Variants in PTPRH observed in about 807,000 individuals in gnomAD.
PTPRH encodes receptor-type tyrosine-protein phosphatase H.
A neutral mutation model predicts 130.2 loss-of-function variants in PTPRH; 113 were observed. The observed-to-expected ratio is 0.87, with a 90% CI of 0.75 to 1.01. The LOEUF (loss-of-function observed/expected upper bound fraction) is 1.01. PTPRH is among the 50% of genes least tolerant of loss of function. The probability of loss-of-function intolerance (pLI) is 0.00; values close to 1 mark genes in which losing one functional copy is unlikely to be tolerated. For synonymous variants in PTPRH, 556 were observed against 577.9 expected (o/e 0.96, Z 0.54); for missense variants, 1,430 against 1,425.0 (o/e 1.00, Z -0.06).
chr19:55,197,027 G>C (rs2086704326), intron 9 of PTPRH, 90 bp downstream of exon 9: 11 of 1,473,672 alleles, frequency 7.5e-6, no homozygotes, highest in Non-Finnish European at 9.3e-6. Flanking sequence ...CCTGTGGCCT[G>C]ATGGAATTTG....
Position 55,191,551 on chromosome 19 carries a change from G to A in PTPRH, c.2337-3C>T, listed in dbSNP as rs200274196. On this transcript the variant is annotated splice_region_variant and splice_polypyrimidine_tract_variant and intron_variant, in intron 11 of 19. Transcript: ENST00000376350. ...GTTTCTGCTGCTTCTTCTTATTCCTGGGAAAAGGACGTTAGGATGAGAGGC... is the reference window on the plus strand; with the variant it reads ...GTTTCTGCTGCTTCTTCTTATTCCTAGGAAAAGGACGTTAGGATGAGAGGC... The A allele has an allele frequency of 1.7e-5, 27 of 1,614,140 alleles. No homozygotes were observed. In the African/African-American group the frequency reaches 3.2e-4, roughly 19 times the overall value.
chr19:55,185,603 G>T lies in PTPRH; in HGVS notation c.2961C>A (p.His987Gln), dbSNP rs201401150. 6.2e-7 allele frequency: 1 copy of T among 1,614,210 alleles called. No individual in the cohort carries two copies. Among genetic ancestry groups the T allele is most frequent in the Non-Finnish European group, 8.5e-7 (1 of 1,180,030 alleles). ...RQFHYQAWPD[H>Q]GVPSSPDTLL... Reference sequence around the variant, plus strand: ...AGGTGTCTGGGGAGGAGGGAACGCCGTGATCCGGCCAGGCCTGGTAGTGGA... The same window carrying T: ...AGGTGTCTGGGGAGGAGGGAACGCCTTGATCCGGCCAGGCCTGGTAGTGGA... Residue 987 changes from histidine to glutamine, a missense_variant, in exon 18 of 20, where the codon CAC becomes CAA. Physicochemically the swap from His to Gln is conservative, Grantham distance 24 (BLOSUM62 0). Coordinates refer to ENST00000376350, the MANE Select transcript of PTPRH (RefSeq NM_002842.5).
intron 3 of PTPRH, 71 bp downstream of exon 3, chr19:55,206,618 G>T: frequency 7.2e-7 from 1 of 1,398,436 alleles, no homozygotes; most frequent in Non-Finnish European, 9.5e-7. Context: ...GTCGCATTTT[G>T]TCAGCTCTCA....
intron 8 of PTPRH, 49 bp downstream of exon 8, chr19:55,198,594 T>C (rs1214898259): frequency 1.3e-6 from 2 of 1,497,016 alleles, no homozygotes; most frequent in African/African-American, 2.8e-5. Context: ...TTCATCTTTT[T>C]CCTTCCCCCA....
intron 17 of PTPRH, 52 bp from the exon 18 acceptor site, chr19:55,185,714 G>C: frequency 1.2e-6 from 2 of 1,601,986 alleles, no homozygotes; most frequent in African/African-American, 1.3e-5. Flanking sequence ...GGGAGGACCT[G>C]GCTTCTAGCA....
Position 55,181,512 on chromosome 19 carries a change from A to C in PTPRH, c.*242T>G, listed in dbSNP as rs2086169820. 1 of 530,612 alleles carries C rather than the reference A, an allele frequency of 1.9e-6. No homozygotes were observed. The highest frequency in any genetic ancestry group is 3.4e-6 in the Non-Finnish European group (1 of 297,846). 32.9% of individuals were successfully genotyped at this position (530,612 alleles called of 1,614,324 possible). On this transcript the variant is annotated 3_prime_UTR_variant, in exon 20 of 20. Transcript: ENST00000376350. ...CATCCTGGAAAGACCTAGGGAATCC[A>C]AGCTATCATCCCTCTCCTCCTTCAG...
chr19:55,196,114 G>C (rs1030865684), intron 10 of PTPRH, among the ~76,000 whole-genome samples: 1 of 152,114 alleles, frequency 6.6e-6, no homozygotes, highest in Non-Finnish European at 1.5e-5. Context: ...TGTGGATGGC[G>C]CGGTGGCCCA....
intron 3 of PTPRH, among the ~76,000 whole-genome samples, chr19:55,206,278 T>C (rs2087050332): frequency 6.6e-6 from 1 of 151,694 alleles, no homozygotes; most frequent in Admixed American, 6.6e-5. Flanking sequence ...AAATCTCTCA[T>C]AGTAATTTAG....
chr19:55,197,678 C>T (rs886343381), intron 8 of PTPRH, among the ~76,000 whole-genome samples: 1 of 152,198 alleles, frequency 6.6e-6, no homozygotes, highest in Non-Finnish European at 1.5e-5. Flanking sequence ...ATTCCACCTA[C>T]TGAAACTACA....
intron 9 of PTPRH, 134 bp from the exon 10 acceptor site, chr19:55,196,922 T>G (rs1190874009): frequency 1.3e-5 from 16 of 1,270,638 alleles, no homozygotes; most frequent in Non-Finnish European, 2.2e-6. Context: ...TCCCTCCTTT[T>G]CTGTCCTCCC....
intron 11 of PTPRH, 23 bp downstream of exon 11, chr19:55,191,640 G>T: frequency 6.2e-7 from 1 of 1,613,074 alleles, no homozygotes; most frequent in Non-Finnish European, 8.5e-7. Flanking sequence ...CCTCCAGGCG[G>T]TCAGCCCTGT....
At chr19:55,197,803 T>C (rs1394146248) in intron 8 of PTPRH, among the ~76,000 whole-genome samples, 2 of 152,206 alleles carry the variant, frequency 1.3e-5, no homozygotes, top group Non-Finnish European at 2.9e-5. Context: ...CTGATCTCTG[T>C]ATTTTCTTTC....
chr19:55,191,905 C>T, intron 10 of PTPRH, 164 bp from the exon 11 acceptor site: 1 of 715,294 alleles, frequency 1.4e-6, no homozygotes, highest in Non-Finnish European at 2.5e-6. Flanking sequence ...TACTTACGCG[C>T]TTACCCATGG....
intron 14 of PTPRH, among the ~76,000 whole-genome samples, chr19:55,187,171 CT>C (rs1568894315): frequency 6.6e-6 from 1 of 150,586 alleles, no homozygotes; most frequent in African/African-American, 2.4e-5. Context: ...CGGTGAAACC[CT>C]GTCTCTACCA....
At chr19:55,187,195 A>G (rs1411639261) in intron 14 of PTPRH, among the ~76,000 whole-genome samples, 1 of 149,724 alleles carries the variant, frequency 6.7e-6, no homozygotes, top group Admixed American at 6.7e-5. Flanking sequence ...AATACAAAAA[A>G]TTAGCCGGGC....
chr19:55,202,007 C>G lies in PTPRH; in HGVS notation c.1153+49G>C. 2 of 1,601,324 alleles carry G rather than the reference C, an allele frequency of 1.2e-6. 1 individual carries two copies. Among genetic ancestry groups the G allele is most frequent in the Non-Finnish European group, 1.7e-6 (2 of 1,172,414 alleles). ...ACAATCGTCTACATTCTACTGCTTA[C>G]TGTCCCTTAAACAAATAAGAGATCA... On this transcript the variant is annotated intron_variant, in intron 6 of 19. Coordinates refer to ENST00000376350, the MANE Select transcript of PTPRH (RefSeq NM_002842.5).
intron 6 of PTPRH, 86 bp from the exon 7 acceptor site, chr19:55,200,588 C>A (rs2086829375): frequency 2.1e-6 from 3 of 1,422,082 alleles, no homozygotes; most frequent in African/African-American, 2.8e-5. Context: ...CCTCAACCAT[C>A]TTAGCTCTTG....
intron 16 of PTPRH, 54 bp downstream of exon 16, chr19:55,186,171 G>A: frequency 6.3e-7 from 1 of 1,579,892 alleles, no homozygotes; most frequent in East Asian, 2.2e-5. Flanking sequence ...CATTGGATGA[G>A]TGTTCGGGGC....
At position 55,191,367 on chromosome 19, in the gene PTPRH, G is replaced by A. The variant is rs76965822; in HGVS notation, c.2384+134C>T. 1.8e-3 allele frequency: 1,864 copies of A among 1,032,190 alleles called. 26 individuals are homozygous for A. In the African/African-American group the frequency reaches 0.027, roughly 15 times the overall value. The allele number at this position is 1,032,190 out of a possible 1,614,324, so 63.9% of individuals were successfully genotyped here. On this transcript the variant is annotated intron_variant, in intron 12 of 19. Transcript: ENST00000376350. Reference sequence around the variant, plus strand: ...CGATGGAAGGGCCGTGGTCCCTGTCGCAGAGGCATGGGCCCCTTCTGAGAC... The same window carrying A: ...CGATGGAAGGGCCGTGGTCCCTGTCACAGAGGCATGGGCCCCTTCTGAGAC...
Sources: allele counts gnomAD v4.1 joint callset (sites outside exome capture counted in the v4.1 genomes callset), GRCh38; gene constraint gnomAD v4.1.1; transcripts MANE v1.5; gene names NCBI Gene and HGNC (gene_info 2026-07-23, HGNC 2026-07-21).